FAM135A: variants seen among roughly 807,000 people sequenced by gnomAD.
The protein encoded by FAM135A is protein FAM135A.
Under a neutral mutation model 146.8 loss-of-function variants are expected in FAM135A, and 79 were observed. The ratio of observed to expected loss-of-function variants is 0.54; its 90% CI spans 0.45 to 0.65. The LOEUF (loss-of-function observed/expected upper bound fraction) is 0.65. Ranked by LOEUF, FAM135A falls within the 30% of genes least tolerant of loss-of-function variation. The probability of loss-of-function intolerance (pLI) is 0.00; values close to 1 mark genes in which losing one functional copy is unlikely to be tolerated. For missense variants in FAM135A, 1,623 were observed against 1,758.2 expected (o/e 0.92, Z 1.38); for synonymous variants, 562 against 603.6 (o/e 0.93, Z 1.01).
At chr6:70,470,185 A>AT (rs746124165) in intron 5 of FAM135A, among the ~76,000 whole-genome samples, 25 of 152,300 alleles carry the variant, frequency 1.6e-4, no homozygotes, top group Non-Finnish European at 3.2e-4. Context: ...CTAAAGTCTG[A>AT]TTGGAGTATG....
chr6:70,429,685 CTAAG>C (rs1389500863), intron 4 of FAM135A, among the ~76,000 whole-genome samples: 3 of 151,992 alleles, frequency 2.0e-5, no homozygotes, highest in Admixed American at 6.5e-5. Context: ...TCAATAGTTT[CTAAG>C]TAAGGATAAA....
chr6:70,501,013 C>T (rs576497273), intron 11 of FAM135A, among the ~76,000 whole-genome samples: 70 of 152,354 alleles, frequency 4.6e-4, no homozygotes, highest in Non-Finnish European at 7.2e-4. Context: ...GTGCACTGTG[C>T]TCAGAGAATC....
intron 4 of FAM135A, among the ~76,000 whole-genome samples, chr6:70,435,291 G>A (rs990678112): frequency 2.6e-5 from 4 of 151,352 alleles, no homozygotes; most frequent in Non-Finnish European, 2.9e-5. Context: ...TTTTAGTAGA[G>A]GTGGCGTTTT....
intron 4 of FAM135A, among the ~76,000 whole-genome samples, chr6:70,437,129 A>G (rs1471969161): frequency 6.6e-6 from 1 of 152,170 alleles, no homozygotes; most frequent in Non-Finnish European, 1.5e-5. Context: ...CATCTCTGCA[A>G]CTTCAATATG....
chr6:70,460,720 A>G (rs1271685009), intron 5 of FAM135A, among the ~76,000 whole-genome samples: 3 of 152,208 alleles, frequency 2.0e-5, no homozygotes, highest in Admixed American at 2.0e-4. Context: ...GGAAACATGA[A>G]CTAGTGTGAC....
intron 5 of FAM135A, among the ~76,000 whole-genome samples, chr6:70,474,157 C>G (rs571286645): frequency 2.3e-4 from 35 of 152,282 alleles, no homozygotes; most frequent in Admixed American, 1.6e-3. Context: ...TGCAGAGGCT[C>G]CCTGCCTTTG....
chr6:70,502,970 C>T (rs779739660), intron 12 of FAM135A, 179 bp downstream of exon 12: 7 of 557,172 alleles, frequency 1.3e-5, no homozygotes, highest in African/African-American at 1.9e-5. Context: ...TACAGTTAAG[C>T]ATATGACCTA....
chr6:70,512,848 C>A (rs1791344843), intron 12 of FAM135A, among the ~76,000 whole-genome samples: 1 of 151,726 alleles, frequency 6.6e-6, no homozygotes, highest in South Asian at 2.1e-4. Context: ...CCTAAGAAAT[C>A]TTTGCCCAAG....
intron 12 of FAM135A, among the ~76,000 whole-genome samples, chr6:70,518,332 T>A (rs755920354): frequency 6.6e-6 from 1 of 152,136 alleles, no homozygotes; most frequent in East Asian, 1.9e-4. Flanking sequence ...AAGAAAAATT[T>A]GAAACTAGCA....
rs537256253 is a variant in FAM135A, at chr6:70,509,310, A to G, written c.1029+6519A>G. The stretch of plus-strand genomic sequence containing the variant: ...TGTCTTTCCTTGAACTATAAAATGG[A>G]ACTCTGCTTCTATGAGGTTAGCCTC... On this transcript the variant is annotated intron_variant, in intron 12 of 21. Coordinates refer to ENST00000418814, the MANE Select transcript of FAM135A (RefSeq NM_001162529.3). Among the ~76,000 whole-genome samples, 39 of 152,170 alleles carry G rather than the reference A, an allele frequency of 2.6e-4. No individual in the cohort carries two copies. In the South Asian group the frequency reaches 2.7e-3, roughly 11 times the overall value.
chr6:70,524,708 C>G lies in FAM135A; in HGVS notation c.1624C>G (p.Pro542Ala). 2.6e-6 allele frequency: 4 copies of G among 1,550,234 alleles called. No individual in the cohort carries two copies. The highest frequency in any genetic ancestry group is 1.2e-5 in the South Asian group (1 of 83,530). The part of the protein sequence containing the change: ...NDLIKCFEGN[P>A]SHSQKEGLDP... ...TCTCATTAAATGCTTTGAAGGCAAT[C>G]CTTCACATAGTCAGAAGGAAGGTCT... Residue 542 changes from proline (P) to alanine (A), a missense_variant, in exon 15 of 22, where the codon CCT (proline) becomes GCT (alanine). Physicochemically the swap from Pro to Ala is conservative, Grantham distance 27 (BLOSUM62 -1). Transcript: ENST00000418814.
intron 11 of FAM135A, 71 bp downstream of exon 11, chr6:70,491,154 G>A: frequency 1.6e-6 from 2 of 1,288,076 alleles, no homozygotes; most frequent in South Asian, 2.6e-5. Context: ...TAAATATTTT[G>A]TCTATGAAAA....
At chr6:70,461,275 T>C (rs1412572607) in intron 5 of FAM135A, among the ~76,000 whole-genome samples, 2 of 152,202 alleles carry the variant, frequency 1.3e-5, no homozygotes, top group African/African-American at 4.8e-5. Flanking sequence ...CTTCAGTTTC[T>C]CCTCTGTGCA....
chr6:70,456,107 C>A (rs752014319), intron 5 of FAM135A, among the ~76,000 whole-genome samples: 1 of 152,200 alleles, frequency 6.6e-6, no homozygotes, highest in Non-Finnish European at 1.5e-5. Flanking sequence ...GCCTCGGCTG[C>A]GCCCATCCTG....
chr6:70,466,079 A>G (rs1028952213), intron 5 of FAM135A, among the ~76,000 whole-genome samples: 19 of 152,296 alleles, frequency 1.2e-4, no homozygotes, highest in Admixed American at 3.3e-4. Context: ...GGTCAGGGAA[A>G]ATGGTTGGTT....
chr6:70,559,885 A>G lies in FAM135A; in HGVS notation c.4512A>G (p.Lys1504=), dbSNP rs749119658. Residue 1504 remains lysine (K), a synonymous_variant, in exon 22 of 22, where the codon AAA becomes AAG. Transcript: ENST00000418814. The stretch of plus-strand genomic sequence containing the variant: ...TTGATTCGGAAATATTTTTAGAGAA[A>G]TTCTTTCTGGTTGCTGCCCTCAAAT... The part of the protein sequence containing the change: ...AVLDSEIFLE[K]FFLVAALKYF... 2 of 1,613,926 alleles carry G rather than the reference A, an allele frequency of 1.2e-6. No homozygotes were observed. Among genetic ancestry groups the G allele is most frequent in the South Asian group, 2.2e-5 (2 of 91,054 alleles).
At chr6:70,515,296 CACA>C (rs1201552954) in intron 12 of FAM135A, among the ~76,000 whole-genome samples, 1 of 152,200 alleles carries the variant, frequency 6.6e-6, no homozygotes, top group East Asian at 1.9e-4. Flanking sequence ...TTTATGTCCA[CACA>C]AAAACCTCCA....
chr6:70,415,809 C>T (rs1001961620), intron 2 of FAM135A, among the ~76,000 whole-genome samples: 1 of 152,110 alleles, frequency 6.6e-6, no homozygotes, highest in African/African-American at 2.4e-5. Context: ...TATATGAACT[C>T]TTATGATGAC....
At chr6:70,524,282 T>C in intron 14 of FAM135A, 61 bp from the exon 15 acceptor site, 1 of 1,433,378 alleles carries the variant, frequency 7.0e-7, no homozygotes, top group Non-Finnish European at 9.2e-7. Context: ...AAAAGAAGTC[T>C]TAATCATATG....
Sources: allele counts gnomAD v4.1 joint callset (sites outside exome capture counted in the v4.1 genomes callset), GRCh38; gene constraint gnomAD v4.1.1; transcripts MANE v1.5; gene names NCBI Gene and HGNC (gene_info 2026-07-23, HGNC 2026-07-21).